Variants in NFIB observed in about 807,000 individuals in gnomAD.
NFIB encodes the protein nuclear factor I B, also known as nuclear factor 1 B-type.
A neutral mutation model predicts 61.5 loss-of-function variants in NFIB; 11 were observed. The observed-to-expected ratio is 0.18, with a 90% CI of 0.11 to 0.30. The LOEUF (loss-of-function observed/expected upper bound fraction) is 0.30. Ranked by LOEUF, NFIB falls within the 10% of genes least tolerant of loss-of-function variation. The pLI, the probability that NFIB is intolerant of heterozygous loss-of-function variation, is 1.00. For missense variants in NFIB, 471 were observed against 608.9 expected, an observed-to-expected ratio of 0.77 and a Z score of 2.38; for synonymous variants, 260 against 216.5, an observed-to-expected ratio of 1.20 and a Z score of -1.76.
intron 2 of NFIB, among the ~76,000 whole-genome samples, chr9:14,277,003 T>C (rs1451941819): frequency 1.3e-5 from 2 of 152,194 alleles, no homozygotes; most frequent in Admixed American, 6.5e-5. Flanking sequence ...TTTCTTGTAC[T>C]GAACTGCTAT....
chr9:14,157,654 T>C (rs1037153267), intron 3 of NFIB, among the ~76,000 whole-genome samples: 1 of 152,172 alleles, frequency 6.6e-6, no homozygotes, highest in Admixed American at 6.5e-5. Flanking sequence ...TAACAATCAC[T>C]GTACAAGGTG....
chr9:14,333,324 C>G (rs1185894458), intron 1 of NFIB, among the ~76,000 whole-genome samples: 1 of 152,166 alleles, frequency 6.6e-6, no homozygotes, highest in Non-Finnish European at 1.5e-5. Context: ...TTGCAGGTAT[C>G]AGAGGCAGGA....
At chr9:14,403,548 A>G (rs1350845347), upstream of NFIB, among the ~76,000 whole-genome samples, 1 of 133,612 alleles carries the variant, frequency 7.5e-6, no homozygotes, top group Non-Finnish European at 1.6e-5. Flanking sequence ...CTTCTTTCCC[A>G]TTTCTCTTTT....
At chr9:14,322,030 G>A (rs1160140815) in intron 1 of NFIB, 1 of 1,200,456 alleles carries the variant, frequency 8.3e-7, no homozygotes, top group Non-Finnish European at 1.0e-6. Context: ...GTACAGATTT[G>A]TGGATTTTCT....
At position 14,085,736 on chromosome 9, in the gene NFIB, G is replaced by GT. The variant is rs1003116984; in HGVS notation, c.*2572dup. 1.2e-4 allele frequency: 27 copies of GT among 219,380 alleles called. No homozygotes were observed. The highest frequency in any genetic ancestry group is 4.5e-4 in the African/African-American group (20 of 44,566). 13.6% of individuals were successfully genotyped at this position (219,380 alleles called of 1,614,324 possible). Reference sequence around the variant, plus strand: ...AGTGCACTGCCATCCATTTGAAGTAGTAAGTCACAGGTAAATCATATCCTA... The same window carrying GT: ...AGTGCACTGCCATCCATTTGAAGTAGTTAAGTCACAGGTAAATCATATCCTA... On this transcript the variant is annotated 3_prime_UTR_variant, in exon 11 of 11. Coordinates refer to ENST00000380953, the MANE Select transcript of NFIB (RefSeq NM_001190737.2).
At chr9:14,422,679 G>T in the NFIB span, among the ~76,000 whole-genome samples, 3 of 152,214 alleles carry the variant, frequency 2.0e-5, no homozygotes, top group African/African-American at 7.2e-5. Context: ...CATAGGTCAT[G>T]GGTCCACATC....
chr9:14,463,429 G>C, the NFIB span, among the ~76,000 whole-genome samples: 45,358 of 151,272 alleles, frequency 0.3, 7,395 homozygotes, highest in East Asian at 0.44. Flanking sequence ...ACATTTAACA[G>C]GATTTTTCCC....
intron 3 of NFIB, among the ~76,000 whole-genome samples, chr9:14,157,466 G>A (rs2043567188): frequency 6.6e-6 from 1 of 152,152 alleles, no homozygotes; most frequent in Admixed American, 6.6e-5. Context: ...GATCTCAGTA[G>A]GGAATAAAAC....
At chr9:14,301,432 T>C (rs566927407) in intron 2 of NFIB, among the ~76,000 whole-genome samples, 29 of 152,328 alleles carry the variant, frequency 1.9e-4, no homozygotes, top group African/African-American at 7.0e-4. Context: ...GTGCTGTATA[T>C]ACAGGGTGGG....
chr9:14,485,870 G>A, the NFIB span, among the ~76,000 whole-genome samples: 1 of 151,442 alleles, frequency 6.6e-6, no homozygotes, highest in African/African-American at 2.4e-5. Context: ...GTGAGACTCT[G>A]TCTCAAAAAC....
chr9:14,397,675 C>T (rs2061700652), intron 1 of NFIB, among the ~76,000 whole-genome samples: 1 of 152,142 alleles, frequency 6.6e-6, no homozygotes, highest in African/African-American at 2.4e-5. Context: ...TCTCTTTCAA[C>T]TTAATAAGAG....
intron 1 of NFIB, among the ~76,000 whole-genome samples, chr9:14,380,928 A>G (rs2061480713): frequency 1.3e-5 from 2 of 151,868 alleles, no homozygotes; most frequent in Admixed American, 6.6e-5. Flanking sequence ...GATCTCCTCC[A>G]TACTGAGTGG....
intron 2 of NFIB, among the ~76,000 whole-genome samples, chr9:14,194,713 C>T (rs954361803): frequency 6.6e-6 from 1 of 151,930 alleles, no homozygotes; most frequent in Non-Finnish European, 1.5e-5. Context: ...AAGCAGATAG[C>T]AAATTATGAT....
chr9:14,199,445 C>T (rs977226590), intron 2 of NFIB, among the ~76,000 whole-genome samples: 6 of 152,218 alleles, frequency 3.9e-5, no homozygotes, highest in Non-Finnish European at 7.3e-5. Flanking sequence ...AGTTAAATGG[C>T]CTGCCAGACC....
At position 14,387,703 on chromosome 9, in the gene NFIB, G is replaced by A. The variant is rs543950294; in HGVS notation, c.108+10821C>T. ...AAAATTTTCCAGTCTGACAAGGTAG[G>A]CATGGGGATTGGTACAATAATTCTT... On this transcript the variant is annotated intron_variant, in intron 1 of 8. Coordinates refer to the NFIB transcript ENST00000380934. Among the ~76,000 whole-genome samples, 7 of 152,278 alleles carry A rather than the reference G, an allele frequency of 4.6e-5. No homozygotes were observed. In the East Asian group the frequency reaches 1.2e-3, roughly 25 times the overall value.
intron 5 of NFIB, among the ~76,000 whole-genome samples, chr9:14,147,395 T>C (rs1281687241): frequency 1.3e-5 from 2 of 152,048 alleles, no homozygotes; most frequent in African/African-American, 4.8e-5. Context: ...AAGAGTAAAA[T>C]GAGTTGTTAA....
Position 14,125,687 on chromosome 9 carries a change from T to C in NFIB, c.1005A>G (p.Arg335=), listed in dbSNP as rs968879420. The stretch of plus-strand genomic sequence containing the variant: ...GGTGGTGCTGGGGGAAAGTGCTCAG[T>C]CTTGGGGAAGAATCCTGTGGAGATG... ...SSASPQDSSP[R]LSTFPQHHHP... The change falls in exon 7 of 11, where the codon AGA becomes AGG. Residue 335 remains arginine, a synonymous_variant. Coordinates refer to ENST00000380953, the MANE Select transcript of NFIB (RefSeq NM_001190737.2). The C allele has an allele frequency of 1.9e-6, 3 of 1,613,974 alleles. No individual in the cohort carries two copies. In the African/African-American group the frequency reaches 4.0e-5, roughly 22 times the overall value.
chr9:14,172,047 T>C (rs888989244), intron 3 of NFIB, among the ~76,000 whole-genome samples: 4 of 152,130 alleles, frequency 2.6e-5, no homozygotes, highest in Non-Finnish European at 4.4e-5. Context: ...AAACAGAGCA[T>C]GGCCAACTAA....
At chr9:14,497,101 G>C in the NFIB span, among the ~76,000 whole-genome samples, 1 of 152,160 alleles carries the variant, frequency 6.6e-6, no homozygotes, top group African/African-American at 2.4e-5. Context: ...TGTACTACTT[G>C]AATAGAATGC....
Sources: allele counts gnomAD v4.1 joint callset (sites outside exome capture counted in the v4.1 genomes callset), GRCh38; gene constraint gnomAD v4.1.1; transcripts MANE v1.5; gene names NCBI Gene and HGNC (gene_info 2026-07-23, HGNC 2026-07-21).